The following ANO10 variants were observed in gnomAD, a reference collection of about 807,000 sequenced individuals.
ANO10 encodes the protein anoctamin 10.
Under a neutral mutation model 74.7 loss-of-function variants are expected in ANO10, and 77 were observed. The observed-to-expected ratio is 1.03, with a 90% CI of 0.86 to 1.25. The LOEUF (loss-of-function observed/expected upper bound fraction) is 1.25, where lower values mean the gene tolerates loss of function less well. ANO10 is among the 50% of genes most tolerant of loss of function. The pLI is 0.00. For synonymous variants in ANO10, 279 were observed against 284.9 expected (o/e 0.98, Z 0.21); for missense variants, 721 against 778.1 (o/e 0.93, Z 0.87).
At chr3:43,630,576 C>A (rs773192059) in intron 1 of ANO10, among the ~76,000 whole-genome samples, 1 of 152,160 alleles carries the variant, frequency 6.6e-6, no homozygotes, top group Non-Finnish European at 1.5e-5. Flanking sequence ...AGTAACATTG[C>A]TGCCCCTCAA....
intron 4 of ANO10, among the ~76,000 whole-genome samples, chr3:43,598,081 C>G (rs532798905): frequency 6.6e-6 from 1 of 152,318 alleles, no homozygotes; most frequent in South Asian, 2.1e-4. Context: ...TTTCATTCTG[C>G]AAACTAGTAT....
Position 43,576,685 on chromosome 3 carries a change from G to A in ANO10, c.1162+7C>T, listed in dbSNP as rs775049285. 5.0e-6 allele frequency: 8 copies of A among 1,613,720 alleles called. No individual in the cohort carries two copies. The highest frequency in any genetic ancestry group is 6.8e-6 in the Non-Finnish European group (8 of 1,179,826). On this transcript the variant is annotated splice_region_variant and intron_variant, in intron 6 of 12. Transcript: ENST00000292246. ...GTAAGACGTGAATATAAAGCCTCAA[G>A]TCTTACCCCATGAAGTTAAAAACTC...
chr3:43,646,902 A>C (rs1370720411), intron 1 of ANO10, among the ~76,000 whole-genome samples: 1 of 152,100 alleles, frequency 6.6e-6, no homozygotes, highest in African/African-American at 2.4e-5. Context: ...TGTCCCTTTC[A>C]AGTATTATGG....
chr3:43,618,125 G>C (rs1191156322), intron 1 of ANO10: 1 of 152,236 alleles, frequency 6.6e-6, no homozygotes, highest in Non-Finnish European at 1.5e-5. Context: ...CGTGAGAATG[G>C]AGAATCAGCC....
At chr3:43,601,845 A>G (rs769394513) in intron 2 of ANO10, among the ~76,000 whole-genome samples, 1 of 151,932 alleles carries the variant, frequency 6.6e-6, no homozygotes, top group Non-Finnish European at 1.5e-5. Flanking sequence ...TGAGCGTGGT[A>G]GCCGTGAAGG....
intron 11 of ANO10, among the ~76,000 whole-genome samples, chr3:43,529,508 C>T (rs1482578767): frequency 1.3e-5 from 2 of 152,190 alleles, no homozygotes; most frequent in East Asian, 3.9e-4. Context: ...TACTGAAGAA[C>T]ACGTTTCATA....
At chr3:43,532,509 CCA>C (rs1438970508) in intron 11 of ANO10, among the ~76,000 whole-genome samples, 1 of 152,064 alleles carries the variant, frequency 6.6e-6, no homozygotes, top group Non-Finnish European at 1.5e-5. Context: ...TTAATGACTT[CCA>C]CAGATGTATC....
At chr3:43,670,173 T>G in intron 1 of ANO10, among the ~76,000 whole-genome samples, 1 of 151,932 alleles carries the variant, frequency 6.6e-6, no homozygotes, top group Non-Finnish European at 1.5e-5. Flanking sequence ...GGCAACATAG[T>G]GAGATCCCAT....
chr3:43,663,864 G>A (rs900358734), intron 1 of ANO10, among the ~76,000 whole-genome samples: 2 of 152,128 alleles, frequency 1.3e-5, no homozygotes, highest in Non-Finnish European at 2.9e-5. Context: ...ACAAACCACT[G>A]CTCAAGGAAA....
chr3:43,635,766 C>T (rs974028814), intron 1 of ANO10, among the ~76,000 whole-genome samples: 2 of 151,866 alleles, frequency 1.3e-5, no homozygotes, highest in East Asian at 3.9e-4. Context: ...ACTACAGACG[C>T]GCACCCACCA....
At chr3:43,522,408 C>T (rs2077997366) in intron 11 of ANO10, among the ~76,000 whole-genome samples, 1 of 152,108 alleles carries the variant, frequency 6.6e-6, no homozygotes, top group Non-Finnish European at 1.5e-5. Context: ...TTCTGGTGTT[C>T]TTTTCTAGGA....
chr3:43,594,146 C>T (rs1302030218), intron 4 of ANO10, among the ~76,000 whole-genome samples: 2 of 152,094 alleles, frequency 1.3e-5, no homozygotes, highest in African/African-American at 4.8e-5. Context: ...ACTTAGACTC[C>T]CACACAATAA....
At chr3:43,513,173 C>G (rs2077575629) in intron 11 of ANO10, among the ~76,000 whole-genome samples, 2 of 152,314 alleles carry the variant, frequency 1.3e-5, no homozygotes, top group African/African-American at 4.8e-5. Context: ...TTGGAAGAAA[C>G]AGAGCTCTGT....
chr3:43,530,983 T>C (rs376588460), intron 11 of ANO10, among the ~76,000 whole-genome samples: 1 of 152,264 alleles, frequency 6.6e-6, no homozygotes, highest in East Asian at 1.9e-4. Context: ...CCTAATCCTA[T>C]GTTAGGTCAT....
chr3:43,403,229 A>T (rs1575678840), intron 12 of ANO10, among the ~76,000 whole-genome samples: 1 of 152,226 alleles, frequency 6.6e-6, no homozygotes, highest in East Asian at 1.9e-4. Flanking sequence ...ACTGCAGCAA[A>T]CTCACAGAGG....
chr3:43,434,680 C>A (rs2093040259), intron 11 of ANO10, among the ~76,000 whole-genome samples: 2 of 152,144 alleles, frequency 1.3e-5, no homozygotes, highest in Admixed American at 1.3e-4. Context: ...GAAGGACATG[C>A]TTCCCTTGGA....
At chr3:43,432,484 G>A (rs780797152) in intron 12 of ANO10, 127 bp downstream of exon 12, 1 of 788,818 alleles carries the variant, frequency 1.3e-6, no homozygotes, top group East Asian at 2.5e-5. Context: ...TCCTGAACTG[G>A]AGTCCTCTGT....
chr3:43,540,617 A>T (rs1348694791), intron 11 of ANO10, among the ~76,000 whole-genome samples: 1 of 152,176 alleles, frequency 6.6e-6, no homozygotes, highest in Non-Finnish European at 1.5e-5. Flanking sequence ...CCACACATAA[A>T]CAGATTTGGG....
intron 11 of ANO10, among the ~76,000 whole-genome samples, chr3:43,515,799 TC>T (rs2077686261): frequency 6.6e-6 from 1 of 152,160 alleles, no homozygotes. Flanking sequence ...TTGCCCCTTT[TC>T]TAAAACCATA....
Sources: allele counts gnomAD v4.1 joint callset (sites outside exome capture counted in the v4.1 genomes callset), GRCh38; gene constraint gnomAD v4.1.1; transcripts MANE v1.5; gene names NCBI Gene and HGNC (gene_info 2026-07-23, HGNC 2026-07-21).